The following USO1 variants were observed in gnomAD, a reference collection of about 807,000 sequenced individuals.
USO1 encodes the protein general vesicular transport factor p115.
Under a neutral mutation model 124.5 loss-of-function variants are expected in USO1, and 57 were observed. That is an observed-to-expected ratio of 0.46 (90% CI 0.37 to 0.57). The LOEUF is 0.57. USO1 is among the 20% of genes least tolerant of loss of function. USO1 has a pLI of 0.00. For synonymous variants in USO1, 369 were observed against 362.8 expected (o/e 1.02, Z -0.19); for missense variants, 900 against 1,040.6 (o/e 0.86, Z 1.86).
chr4:75,764,858 A>G (rs955905628), intron 4 of USO1, among the ~76,000 whole-genome samples: 3 of 152,172 alleles, frequency 2.0e-5, no homozygotes, highest in African/African-American at 7.2e-5. Context: ...AAAAACCTGA[A>G]GATTGGCAAT....
intron 13 of USO1, among the ~76,000 whole-genome samples, chr4:75,798,554 T>C (rs1469814718): frequency 6.6e-6 from 1 of 152,212 alleles, no homozygotes; most frequent in African/African-American, 2.4e-5. Context: ...GTATCAGTGC[T>C]TACCTGGCAA....
At chr4:75,779,763 A>T (rs930716987) in intron 8 of USO1, among the ~76,000 whole-genome samples, 1 of 152,368 alleles carries the variant, frequency 6.6e-6, no homozygotes, top group East Asian at 1.9e-4. Context: ...GCAAGTGCTG[A>T]TGTAGAAACT....
rs183492315 is a variant in USO1 at position 75,805,214 on chromosome 4, A to G, written c.2200A>G (p.Arg734Gly). Reference protein sequence around the residue: ...MNGIQPEEIGRLREEIEELKR... With the variant: ...MNGIQPEEIGGLREEIEELKR... ...TGGCATTCAGCCAGAAGAAATTGGT[A>G]GATTGCGAGAAGAGATAGAAGAATT... The change falls in exon 19 of 24, where the codon AGA (arginine) becomes GGA (glycine). Residue 734 changes from arginine to glycine, a missense_variant. Physicochemically the swap from Arg to Gly is moderately radical, Grantham distance 125 (BLOSUM62 -2). Transcript: ENST00000514213. 2 of 1,613,436 alleles carry G rather than the reference A, an allele frequency of 1.2e-6. No homozygotes were observed. Among genetic ancestry groups the G allele is most frequent in the East Asian group, 4.5e-5 (2 of 44,826 alleles).
chr4:75,785,219 A>T lies in USO1; in HGVS notation c.856-1843A>T, dbSNP rs969874485. Among the ~76,000 whole-genome samples the T allele has an allele frequency of 2.0e-5, 3 of 152,202 alleles. 1 individual carries two copies. The highest frequency in any genetic ancestry group is 2.0e-4 in the Admixed American group (3 of 15,274). On this transcript the variant is annotated intron_variant, in intron 9 of 23. Transcript: ENST00000514213. The stretch of plus-strand genomic sequence containing the variant: ...TACACATTCTGTGTTGGAACTATTC[A>T]TCATCACAGTTATCATGATTGCATT...
intron 1 of USO1, chr4:75,729,870 A>G (rs147357152): frequency 1.5e-5 from 5 of 344,228 alleles, no homozygotes; most frequent in South Asian, 4.6e-5. Context: ...CAATATAAAC[A>G]CAGCCATATT....
chr4:75,792,403 G>A (rs1722557291), intron 12 of USO1, among the ~76,000 whole-genome samples: 1 of 152,336 alleles, frequency 6.6e-6, no homozygotes, highest in African/African-American at 2.4e-5. Context: ...CGGGCATGGT[G>A]ATGCATGCCT....
intron 1 of USO1, among the ~76,000 whole-genome samples, chr4:75,725,378 A>G (rs952455427): frequency 6.6e-6 from 1 of 152,234 alleles, no homozygotes; most frequent in Non-Finnish European, 1.5e-5. Flanking sequence ...GCATTTGGCT[A>G]AGAATAAAAC....
intron 12 of USO1, 55 bp downstream of exon 12, chr4:75,790,852 C>T (rs1273742338): frequency 1.4e-6 from 2 of 1,452,146 alleles, no homozygotes; most frequent in South Asian, 1.5e-5. Flanking sequence ...GTCTTCCAAG[C>T]TTTTAATTGA....
intron 4 of USO1, among the ~76,000 whole-genome samples, chr4:75,759,245 C>CTTTTTTTTTTTTTTTT (rs1560443228): frequency 1.7e-4 from 2 of 11,556 alleles, no homozygotes; most frequent in African/African-American, 3.4e-4. Flanking sequence ...TTATTAAGGA[C>CTTTTTTTTTTTTTTTT]CTTTTTTTTT....
At chr4:75,765,481 C>T (rs1326091022) in intron 4 of USO1, among the ~76,000 whole-genome samples, 1 of 152,118 alleles carries the variant, frequency 6.6e-6, no homozygotes, top group Non-Finnish European at 1.5e-5. Flanking sequence ...CTGTTCATAG[C>T]TGATTCTAAA....
rs537801510 is a variant in USO1, at chr4:75,745,505, T to C, written c.67-6868T>C. 7.6e-5 allele frequency: 26 copies of C among 340,484 alleles called. 1 individual carries two copies. The highest frequency in any genetic ancestry group is 5.9e-4 in the South Asian group (26 of 43,860). The allele number at this position is 340,484 out of a possible 1,614,324, so 21.1% of individuals were successfully genotyped here. On this transcript the variant is annotated intron_variant, in intron 1 of 23. Transcript: ENST00000514213. ...AGAGTATGGACTTTGGAGTGATACA[T>C]CTATAGCTCGGTTAGGATCTAGACT... is the stretch of plus-strand genomic sequence containing the variant.
chr4:75,747,239 C>T (rs1033939980), intron 1 of USO1, among the ~76,000 whole-genome samples: 20 of 152,086 alleles, frequency 1.3e-4, no homozygotes, highest in African/African-American at 4.8e-4. Flanking sequence ...TGAAAGAGCT[C>T]AGTCTAATGG....
Position 75,804,184 on chromosome 4 carries a change from A to G in USO1, c.2037A>G (p.Gln679=). The G allele has an allele frequency of 6.2e-7, 1 of 1,613,656 alleles. No individual in the cohort carries two copies. Among genetic ancestry groups the G allele is most frequent in the Non-Finnish European group, 8.5e-7 (1 of 1,179,744 alleles). ...LRQQVSTLKC[Q]NEQLQTAVTQ... ...AGCAGGTTTCTACATTAAAATGTCA[A>G]AATGAACAGCTCCAGACGGCAGTCA... Residue 679 remains glutamine (Q), a synonymous_variant, in exon 18 of 24, where the codon CAA becomes CAG. Transcript: ENST00000514213.
chr4:75,805,664 C>T (rs1473716027), intron 19 of USO1, among the ~76,000 whole-genome samples: 4 of 151,562 alleles, frequency 2.6e-5, no homozygotes, highest in African/African-American at 9.7e-5. Context: ...CCGAGATCAC[C>T]CCACTTCACC....
At chr4:75,737,623 A>G (rs1720832033) in intron 1 of USO1, among the ~76,000 whole-genome samples, 1 of 152,136 alleles carries the variant, frequency 6.6e-6, no homozygotes, top group Admixed American at 6.6e-5. Context: ...TGAGCTCAGG[A>G]GTTCAAGGAT....
At position 75,732,907 on chromosome 4, in the gene USO1, TG is replaced by T. The variant is rs368136513; in HGVS notation, c.66+8027del. Among the ~76,000 whole-genome samples the T allele has an allele frequency of 1.0e-4, 12 of 118,158 alleles. 1 individual carries two copies. Among genetic ancestry groups the T allele is most frequent in the African/African-American group, 4.1e-4 (12 of 29,622 alleles). The allele number at this position is 118,158 out of a possible 152,430, so 77.5% of individuals were successfully genotyped here. A position where few individuals can be genotyped will look rare whatever the true frequency, so the allele number is the denominator to read the frequency against. ...AAAAAAAAAAAAAAAAAGTCATAGT[TG>T]GGGGAGTTCTGTTTTAGGAATGTTT... On this transcript the variant is annotated intron_variant, in intron 1 of 23. Transcript: ENST00000514213.
intron 3 of USO1, among the ~76,000 whole-genome samples, chr4:75,756,873 C>T (rs994882008): frequency 2.8e-4 from 42 of 151,814 alleles, no homozygotes; most frequent in Admixed American, 2.8e-3. Context: ...AGTAGTTGAA[C>T]TAGAGATAAC....
intron 13 of USO1, among the ~76,000 whole-genome samples, chr4:75,798,334 A>G (rs1722747506): frequency 6.6e-6 from 1 of 152,184 alleles, no homozygotes; most frequent in Non-Finnish European, 1.5e-5. Flanking sequence ...GCTAAGTAAT[A>G]ATGAACTTAT....
chr4:75,790,861 G>T, intron 12 of USO1, 64 bp downstream of exon 12: 1 of 1,419,902 alleles, frequency 7.0e-7, no homozygotes, highest in South Asian at 1.6e-5. Context: ...GCTTTTAATT[G>T]ATTCTTTCTT....
Sources: allele counts gnomAD v4.1 joint callset (sites outside exome capture counted in the v4.1 genomes callset), GRCh38; gene constraint gnomAD v4.1.1; transcripts MANE v1.5; gene names NCBI Gene and HGNC (gene_info 2026-07-23, HGNC 2026-07-21).